GALNT13: variants seen among roughly 807,000 people sequenced by gnomAD.
The protein encoded by GALNT13 is UDP-GalNAc:polypeptide N-acetylgalactosaminyltransferase 13.
A neutral mutation model predicts 64.2 loss-of-function variants in GALNT13; 28 were observed. That is an observed-to-expected ratio of 0.44 (90% CI 0.32 to 0.60). The LOEUF is 0.60. GALNT13 is among the 20% of genes least tolerant of loss of function. The pLI is 0.05. For synonymous variants in GALNT13, 214 were observed against 224.6 expected (o/e 0.95, Z 0.42); for missense variants, 577 against 669.8 (o/e 0.86, Z 1.53).
intron 4 of GALNT13, among the ~76,000 whole-genome samples, chr2:154,202,639 T>A (rs1239570936): frequency 6.6e-6 from 1 of 152,114 alleles, no homozygotes; most frequent in African/African-American, 2.4e-5. Context: ...ACTATGAAGA[T>A]TTTATAAGCA....
At chr2:153,466,170 C>A in the GALNT13 span, among the ~76,000 whole-genome samples, 9 of 152,066 alleles carry the variant, frequency 5.9e-5, no homozygotes, top group Non-Finnish European at 4.4e-5. Context: ...CAAAGCACTT[C>A]ATTTCATATT....
intron 3 of GALNT13, among the ~76,000 whole-genome samples, chr2:154,122,311 G>T (rs1178061500): frequency 6.6e-6 from 1 of 151,648 alleles, no homozygotes; most frequent in Non-Finnish European, 1.5e-5. Flanking sequence ...ATTCAAATTG[G>T]GTTTAGATTG....
chr2:153,535,111 G>C, the GALNT13 span, among the ~76,000 whole-genome samples: 1 of 152,110 alleles, frequency 6.6e-6, no homozygotes, highest in East Asian at 1.9e-4. Context: ...TAGAGTGGGA[G>C]AGATTAAGCT....
chr2:153,423,758 GA>G, the GALNT13 span, among the ~76,000 whole-genome samples: 1 of 151,524 alleles, frequency 6.6e-6, no homozygotes, highest in Non-Finnish European at 1.5e-5. Context: ...AACCTTTATT[GA>G]AAGTTATAAA....
intron 4 of GALNT13, among the ~76,000 whole-genome samples, chr2:154,226,176 G>A (rs1688608395): frequency 6.6e-6 from 1 of 152,092 alleles, no homozygotes; most frequent in Non-Finnish European, 1.5e-5. Context: ...CTTTTATTAT[G>A]AAGCCTTTGT....
chr2:154,101,917 C>A (rs1357055257), intron 3 of GALNT13, among the ~76,000 whole-genome samples: 1 of 152,024 alleles, frequency 6.6e-6, no homozygotes, highest in Admixed American at 6.6e-5. Flanking sequence ...AATTCAGGAG[C>A]AAGTTGTTTA....
intron 4 of GALNT13, among the ~76,000 whole-genome samples, chr2:154,174,109 G>T (rs1685516606): frequency 6.6e-6 from 1 of 152,120 alleles, no homozygotes; most frequent in Non-Finnish European, 1.5e-5. Flanking sequence ...TAATTGTGAT[G>T]AGTTTGCAAT....
At chr2:153,445,172 T>C in the GALNT13 span, among the ~76,000 whole-genome samples, 3 of 152,106 alleles carry the variant, frequency 2.0e-5, no homozygotes, top group African/African-American at 7.2e-5. Context: ...TTTCAAATAC[T>C]TATATGAAAA....
chr2:153,634,333 A>C, the GALNT13 span, among the ~76,000 whole-genome samples: 1 of 152,116 alleles, frequency 6.6e-6, no homozygotes, highest in Non-Finnish European at 1.5e-5. Flanking sequence ...GAATCATGAA[A>C]GTAATAGAAT....
chr2:153,753,297 A>G, the GALNT13 span, among the ~76,000 whole-genome samples: 5 of 152,084 alleles, frequency 3.3e-5, no homozygotes, highest in South Asian at 1.0e-3. Flanking sequence ...TGGTCTTGAT[A>G]CTTATAGATG....
chr2:153,449,617 AC>A, the GALNT13 span: 1 of 153,122 alleles, frequency 6.5e-6, no homozygotes, highest in Non-Finnish European at 1.5e-5. Context: ...TGTTGCTATA[AC>A]AAAAATACCT....
chr2:153,501,480 AACC>A, the GALNT13 span, among the ~76,000 whole-genome samples: 1 of 152,018 alleles, frequency 6.6e-6, no homozygotes, highest in Non-Finnish European at 1.5e-5. Flanking sequence ...TACAGGCGCA[AACC>A]ACCATGCCCG....
the GALNT13 span, among the ~76,000 whole-genome samples, chr2:153,723,834 G>A: frequency 1.3e-5 from 2 of 150,828 alleles, no homozygotes; most frequent in Admixed American, 6.6e-5. Flanking sequence ...AACATTCCAC[G>A]CTCATGGGTA....
the GALNT13 span, among the ~76,000 whole-genome samples, chr2:153,746,002 C>A: frequency 6.6e-6 from 1 of 152,106 alleles, no homozygotes; most frequent in African/African-American, 2.4e-5. Flanking sequence ...ACTGGTTTCC[C>A]AGAATGCAAT....
At chr2:154,181,060 G>C (rs1685932946) in intron 4 of GALNT13, among the ~76,000 whole-genome samples, 1 of 152,098 alleles carries the variant, frequency 6.6e-6, no homozygotes, top group Non-Finnish European at 1.5e-5. Flanking sequence ...GTTTTCACAG[G>C]GCCAACTGAT....
chr2:154,249,661 TA>T (rs1380875721), intron 7 of GALNT13, among the ~76,000 whole-genome samples: 1 of 152,154 alleles, frequency 6.6e-6, no homozygotes, highest in Non-Finnish European at 1.5e-5. Flanking sequence ...TCATCATTAA[TA>T]TTTTTAATAT....
the GALNT13 span, among the ~76,000 whole-genome samples, chr2:153,398,136 T>A: frequency 1.4e-5 from 2 of 141,852 alleles, no homozygotes; most frequent in South Asian, 4.8e-4. Flanking sequence ...TGAGATCTCA[T>A]TGTTCAATTC....
the GALNT13 span, among the ~76,000 whole-genome samples, chr2:153,566,479 C>T: frequency 2.0e-5 from 3 of 151,342 alleles, no homozygotes; most frequent in East Asian, 2.0e-4. Context: ...CTCAGCCTCC[C>T]GAGTAGCTGG....
the GALNT13 span, among the ~76,000 whole-genome samples, chr2:153,489,617 T>C: frequency 6.6e-6 from 1 of 152,146 alleles, no homozygotes; most frequent in African/African-American, 2.4e-5. Flanking sequence ...TAAATACAAG[T>C]GGAATTACTA....
Sources: gnomAD v4.1 joint callset for allele counts (sites outside exome capture counted in the v4.1 genomes callset) on GRCh38, gnomAD v4.1.1 for gene constraint, MANE v1.5 for transcripts, NCBI Gene and HGNC (gene_info 2026-07-23, HGNC 2026-07-21) for gene names.